The following RAI14 variants were observed in gnomAD, a reference collection of about 807,000 sequenced individuals.
RAI14 encodes the protein retinoic acid induced 14.
A neutral mutation model predicts 115.4 loss-of-function variants in RAI14; 45 were observed. That is an observed-to-expected ratio of 0.39 (90% CI 0.31 to 0.50). RAI14 has a LOEUF of 0.50. Ranked by LOEUF, RAI14 falls within the 20% of genes least tolerant of loss-of-function variation. RAI14 has a pLI of 0.85. For synonymous variants in RAI14, 371 were observed against 415.4 expected, an observed-to-expected ratio of 0.89 and a Z score of 1.30; for missense variants, 939 against 1,131.2, an observed-to-expected ratio of 0.83 and a Z score of 2.44.
intron 1 of RAI14, among the ~76,000 whole-genome samples, chr5:34,674,107 C>T (rs918690683): frequency 6.6e-6 from 1 of 151,496 alleles, no homozygotes; most frequent in Admixed American, 6.6e-5. Flanking sequence ...TGTTGGACTG[C>T]AGACAAAAAA....
chr5:34,715,987 A>G (rs1183476850), intron 2 of RAI14: 1 of 368,022 alleles, frequency 2.7e-6, no homozygotes, highest in Non-Finnish European at 5.2e-6. Flanking sequence ...GAATTTATGT[A>G]TTTGTATGCA....
chr5:34,672,965 C>T (rs534938442), intron 1 of RAI14, among the ~76,000 whole-genome samples: 1 of 152,096 alleles, frequency 6.6e-6, no homozygotes, highest in Non-Finnish European at 1.5e-5. Context: ...TGTTTCCCTC[C>T]TTTGTACTCC....
intron 3 of RAI14, among the ~76,000 whole-genome samples, chr5:34,760,203 C>A (rs1275936683): frequency 2.0e-5 from 3 of 152,112 alleles, no homozygotes; most frequent in African/African-American, 7.2e-5. Flanking sequence ...CATGCACCAC[C>A]ACACCCAGCT....
chr5:34,750,531 C>T (rs1746839575), intron 2 of RAI14, among the ~76,000 whole-genome samples: 1 of 152,022 alleles, frequency 6.6e-6, no homozygotes, highest in South Asian at 2.1e-4. Context: ...AGGCGTTTGA[C>T]CTGGTGTTGA....
intron 2 of RAI14, among the ~76,000 whole-genome samples, chr5:34,755,327 G>A (rs533693485): frequency 1.1e-3 from 165 of 152,306 alleles, no homozygotes; most frequent in African/African-American, 3.5e-3. Context: ...TAGTAGGAGC[G>A]TGGCTGATGT....
At chr5:34,799,914 C>T (rs1173406263) in intron 4 of RAI14, among the ~76,000 whole-genome samples, 2 of 152,118 alleles carry the variant, frequency 1.3e-5, no homozygotes, top group Non-Finnish European at 2.9e-5. Context: ...GTCTTGATCT[C>T]CTGACCTCGT....
intron 3 of RAI14, among the ~76,000 whole-genome samples, chr5:34,787,005 A>G (rs11948137): frequency 0.027 from 4,114 of 152,334 alleles, 195 homozygotes; most frequent in African/African-American, 0.093. Context: ...CATCAGGAAC[A>G]TGTCCTTAAG....
intron 1 of RAI14, among the ~76,000 whole-genome samples, chr5:34,671,873 A>T (rs1254222631): frequency 6.6e-6 from 1 of 152,168 alleles, no homozygotes; most frequent in Non-Finnish European, 1.5e-5. Flanking sequence ...TGGTCTAAAT[A>T]ATATGTCTTC....
At chr5:34,665,436 G>A (rs2149846238) in intron 1 of RAI14, among the ~76,000 whole-genome samples, 1 of 150,238 alleles carries the variant, frequency 6.7e-6, no homozygotes, top group Middle Eastern at 3.5e-3. Flanking sequence ...TAAAAGGCCA[G>A]AGAAGCCTCC....
Position 34,663,224 on chromosome 5 carries a change from A to G in RAI14, c.-49+6749A>G, listed in dbSNP as rs997747254. On this transcript the variant is annotated intron_variant, in intron 1 of 17. Coordinates refer to ENST00000265109, the MANE Select transcript of RAI14 (RefSeq NM_015577.3). ...AGCAAATCTAATCAGTATTTTAAAA[A>G]GTAACTTTTGGCCAGGCATGGTGGT... is the stretch of plus-strand genomic sequence containing the variant. Among the ~76,000 whole-genome samples, 3 of 152,186 alleles carry G rather than the reference A, an allele frequency of 2.0e-5. No individual in the cohort carries two copies. In the East Asian group the frequency reaches 5.8e-4, roughly 29 times the overall value.
chr5:34,771,883 C>G (rs1184973828), intron 3 of RAI14, among the ~76,000 whole-genome samples: 1 of 152,050 alleles, frequency 6.6e-6, no homozygotes, highest in Non-Finnish European at 1.5e-5. Flanking sequence ...GGTTATATTA[C>G]ATAGGGTGTC....
intron 2 of RAI14, chr5:34,715,995 G>T: frequency 2.7e-6 from 1 of 375,378 alleles, no homozygotes; most frequent in Non-Finnish European, 5.1e-6. Context: ...GTATTTGTAT[G>T]CAATATGTGG....
At chr5:34,820,320 C>T (rs1335615662) in intron 13 of RAI14, among the ~76,000 whole-genome samples, 5 of 152,202 alleles carry the variant, frequency 3.3e-5, no homozygotes, top group African/African-American at 1.2e-4. Flanking sequence ...TGGCCCACAC[C>T]TGTAATCCCA....
chr5:34,725,181 T>C (rs1265490955), intron 2 of RAI14, among the ~76,000 whole-genome samples: 3 of 152,148 alleles, frequency 2.0e-5, no homozygotes, highest in African/African-American at 4.8e-5. Flanking sequence ...CTAAAAGGGA[T>C]TGGAATTTTT....
At chr5:34,806,620 G>T (rs1754932697) in intron 5 of RAI14, among the ~76,000 whole-genome samples, 1 of 152,090 alleles carries the variant, frequency 6.6e-6, no homozygotes, top group African/African-American at 2.4e-5. Context: ...GGTCGGGGAA[G>T]GGGGTGGAGG....
At chr5:34,778,252 C>T (rs11959452) in intron 3 of RAI14, among the ~76,000 whole-genome samples, 4 of 152,068 alleles carry the variant, frequency 2.6e-5, no homozygotes, top group South Asian at 2.1e-4. Context: ...GGAACCAGCT[C>T]GGGATCTTGT....
chr5:34,667,455 C>T (rs1472911311), intron 1 of RAI14: 1 of 152,172 alleles, frequency 6.6e-6, no homozygotes, highest in East Asian at 1.9e-4. Flanking sequence ...GGGCTGGTCT[C>T]AAACTCCTGA....
chr5:34,808,185 A>G (rs1755148487), intron 6 of RAI14, among the ~76,000 whole-genome samples: 1 of 152,198 alleles, frequency 6.6e-6, no homozygotes, highest in South Asian at 2.1e-4. Flanking sequence ...TGATTTGAGG[A>G]TTATTATGAA....
intron 1 of RAI14, 58 bp from the exon 2 acceptor site, chr5:34,686,814 A>G: frequency 8.5e-7 from 1 of 1,174,412 alleles, no homozygotes; most frequent in Non-Finnish European, 1.2e-6. Flanking sequence ...GTTGTAATCC[A>G]ATCAGGAGAG....
Sources: gnomAD v4.1 joint callset for allele counts (sites outside exome capture counted in the v4.1 genomes callset) on GRCh38, gnomAD v4.1.1 for gene constraint, MANE v1.5 for transcripts, NCBI Gene and HGNC (gene_info 2026-07-23, HGNC 2026-07-21) for gene names.